Variants in SETD5 observed in about 807,000 individuals in gnomAD.
SETD5 encodes the protein SET domain containing 5.
In SETD5, 44 loss-of-function variants were observed where a neutral mutation model predicts 153.3. The ratio of observed to expected loss-of-function variants is 0.29; its 90% CI spans 0.23 to 0.37. The LOEUF is 0.37. Ranked by LOEUF, SETD5 falls within the 10% of genes least tolerant of loss-of-function variation. The pLI, the probability that SETD5 is intolerant of heterozygous loss-of-function variation, is 1.00. For missense variants in SETD5, 1,544 were observed against 1,768.0 expected (o/e 0.87, Z 2.27); for synonymous variants, 716 against 645.2 (o/e 1.11, Z -1.66).
Position 9,475,772 on chromosome 3 carries a change from G to A in SETD5, c.4010G>A (p.Arg1337Lys). 6.2e-7 allele frequency: 1 copy of A among 1,613,984 alleles called. No individual in the cohort carries two copies. ...SGNSTGSNLP[R>K]RSCPSSAASP... ...AACAGCACTGGCAGCAATCTTCCAA[G>A]GAGGAGCTGCCCTTCTAGTGCTGCT... Residue 1337 changes from arginine (R) to lysine (K), a missense_variant, in exon 23 of 23, where the codon AGG becomes AAG. By Grantham distance (26) the Arg-to-Lys change is conservative. Transcript: ENST00000402198.
At chr3:9,438,603 T>C (rs879885931) in intron 7 of SETD5, among the ~76,000 whole-genome samples, 2 of 152,236 alleles carry the variant, frequency 1.3e-5, no homozygotes, top group Admixed American at 1.3e-4. Flanking sequence ...ATTACTAGTT[T>C]AAAACTCCTC....
chr3:9,453,343 AT>A (rs1559449927), intron 16 of SETD5, among the ~76,000 whole-genome samples: 1 of 152,060 alleles, frequency 6.6e-6, no homozygotes, highest in Admixed American at 6.6e-5. Flanking sequence ...CTTTTAAGAG[AT>A]CTTTATCTTC....
rs1283153458 is a variant in SETD5 at position 9,475,586 on chromosome 3, G to A, written c.3824G>A (p.Arg1275Gln). 23 of 1,613,760 alleles carry A rather than the reference G, an allele frequency of 1.4e-5. No homozygotes were observed. Among genetic ancestry groups the A allele is most frequent in the Non-Finnish European group, 1.9e-5 (23 of 1,179,876 alleles). ...HPTQSPGYSY[R>Q]TTALRPGNPP... ...ACACAGTCTCCAGGATACAGTTATCGAACTACTGCACTGAGACCTGGAAAC... is the reference window on the plus strand; with the variant it reads ...ACACAGTCTCCAGGATACAGTTATCAAACTACTGCACTGAGACCTGGAAAC... Residue 1275 changes from arginine (R) to glutamine (Q), a missense_variant, in exon 23 of 23, where the codon CGA becomes CAA. Physicochemically the swap from Arg to Gln is conservative, Grantham distance 43. Coordinates refer to ENST00000402198, the MANE Select transcript of SETD5 (RefSeq NM_001080517.3).
At chr3:9,436,975 G>A (rs2040643276) in intron 7 of SETD5, 1 of 1,233,804 alleles carries the variant, frequency 8.1e-7, no homozygotes. Flanking sequence ...TGATGGTCTG[G>A]GAATCTTGGA....
chr3:9,475,166 G>C lies in SETD5; in HGVS notation c.3720+10G>C, dbSNP rs761493470. On this transcript the variant is annotated intron_variant, in intron 22 of 22. Coordinates refer to ENST00000402198, the MANE Select transcript of SETD5 (RefSeq NM_001080517.3). ...CAGATACAGCTACCAGGTGAGATGA[G>C]AAATTGCTGGTCTCTAGCCATAGGA... is the stretch of plus-strand genomic sequence containing the variant. 1 of 1,570,894 alleles carries C rather than the reference G, an allele frequency of 6.4e-7. No homozygotes were observed. Among genetic ancestry groups the C allele is most frequent in the Non-Finnish European group, 8.6e-7 (1 of 1,157,746 alleles).
intron 19 of SETD5, 149 bp from the exon 20 acceptor site, chr3:9,473,087 A>G: frequency 2.2e-6 from 2 of 902,618 alleles, no homozygotes; most frequent in Non-Finnish European, 1.6e-6. Flanking sequence ...CCCCAAAAAA[A>G]GTTATCAGGG....
At chr3:9,466,304 A>G (rs958160968) in intron 18 of SETD5, among the ~76,000 whole-genome samples, 19 of 151,660 alleles carry the variant, frequency 1.3e-4, no homozygotes, top group South Asian at 1.0e-3. Flanking sequence ...AAAAAAAAAA[A>G]AAAAAGAAAA....
At chr3:9,423,665 T>A (rs1031894867) in intron 1 of SETD5, among the ~76,000 whole-genome samples, 4 of 152,204 alleles carry the variant, frequency 2.6e-5, no homozygotes, top group Non-Finnish European at 5.9e-5. Context: ...TATTTTCCAG[T>A]TTTTTAAAAT....
intron 16 of SETD5, among the ~76,000 whole-genome samples, chr3:9,452,998 A>G (rs2042808208): frequency 6.6e-6 from 1 of 152,144 alleles, no homozygotes; most frequent in South Asian, 2.1e-4. Context: ...TTATTATCCT[A>G]ATCTTTGCAG....
Position 9,442,196 on chromosome 3 carries a change from T to A in SETD5, c.1028T>A (p.Phe343Tyr), listed in dbSNP as rs371439647. 6.2e-7 allele frequency: 1 copy of A among 1,610,090 alleles called. No individual in the cohort carries two copies. The highest frequency in any genetic ancestry group is 1.4e-5 in the African/African-American group (1 of 73,994). The part of the protein sequence containing the change: ...GVEMCVDART[F>Y]GNDARFIRRS... ...GAGATGTGTGTGGATGCCCGTACTTTCGGTAATGATGCTCGGTTCATCAGA... is the reference window on the plus strand; with the variant it reads ...GAGATGTGTGTGGATGCCCGTACTTACGGTAATGATGCTCGGTTCATCAGA... Residue 343 changes from phenylalanine (F) to tyrosine (Y), a missense_variant, in exon 10 of 23, where the codon TTC (phenylalanine) becomes TAC (tyrosine). This residue lies in a region of SETD5 where 46 missense variants were observed against 111.8 expected (regional missense o/e 0.41). Transcript: ENST00000402198.
intron 1 of SETD5, among the ~76,000 whole-genome samples, chr3:9,417,879 G>A (rs1299597497): frequency 6.7e-6 from 1 of 150,322 alleles, no homozygotes; most frequent in Admixed American, 6.6e-5. Context: ...CTTTCCAAAG[G>A]TGATTAAAAA....
intron 18 of SETD5, chr3:9,468,395 A>G: frequency 1.6e-6 from 1 of 619,120 alleles, no homozygotes; most frequent in Middle Eastern, 3.2e-4. Context: ...ATGCATTCTT[A>G]TTCAACTTCC....
rs1245220806 is a variant in SETD5, at chr3:9,397,991, A to G, written c.-177+14A>G. ...GCCTGGGACAAGGTAAGGGTCCGACAGAAAAGAGACCGAACCTCACGATCG... is the reference window on the plus strand; with the variant it reads ...GCCTGGGACAAGGTAAGGGTCCGACGGAAAAGAGACCGAACCTCACGATCG... On this transcript the variant is annotated intron_variant, in intron 1 of 22. Transcript: ENST00000402198. 2 of 152,208 alleles carry G rather than the reference A, an allele frequency of 1.3e-5. No individual in the cohort carries two copies. Among genetic ancestry groups the G allele is most frequent in the Admixed American group, 1.3e-4 (2 of 15,266 alleles). The allele number at this position is 152,208 out of a possible 1,614,324, so 9.4% of individuals were successfully genotyped here. A position where few individuals can be genotyped will look rare whatever the true frequency, so the allele number is the denominator to read the frequency against.
intron 18 of SETD5, among the ~76,000 whole-genome samples, chr3:9,469,116 AT>A (rs2044996203): frequency 2.0e-5 from 3 of 151,980 alleles, no homozygotes; most frequent in African/African-American, 7.3e-5. Context: ...GCTTTCCTAC[AT>A]TTTCTCTGCA....
intron 3 of SETD5, chr3:9,431,600 T>C (rs1323449197): frequency 1.0e-6 from 1 of 985,620 alleles, no homozygotes; most frequent in African/African-American, 1.7e-5. Context: ...TTAAATTTTA[T>C]ATTTGGCATG....
rs1350368048 is a variant in SETD5 at position 9,397,678 on chromosome 3, C to CGCCGCT, written c.-471_-470insTGCCGC. On this transcript the variant is annotated 5_prime_UTR_variant, in exon 1 of 23. Transcript: ENST00000402198. The stretch of plus-strand genomic sequence containing the variant: ...CCGCCGCCGCCGCCGCCGCCGCCGC[C>CGCCGCT]GCCGCCGCTGCCGGGGGAGGGGCGG... 3.4e-4 allele frequency: 62 copies of CGCCGCT among 180,480 alleles called. No individual in the cohort carries two copies. The highest frequency in any genetic ancestry group is 6.4e-4 in the South Asian group (4 of 6,212). 11.2% of individuals were successfully genotyped at this position (180,480 alleles called of 1,614,324 possible).
At chr3:9,450,990 A>C (rs749647479) in intron 16 of SETD5, among the ~76,000 whole-genome samples, 11 of 152,206 alleles carry the variant, frequency 7.2e-5, no homozygotes, top group Non-Finnish European at 1.6e-4. Flanking sequence ...GTTTTTAAGA[A>C]GCATTTTGCA....
chr3:9,425,051 G>GTTTTTTTTTTTTTTTTTTTTTTTTT (rs1559380190), intron 2 of SETD5, among the ~76,000 whole-genome samples: 1 of 91,454 alleles, frequency 1.1e-5, no homozygotes, highest in African/African-American at 5.0e-5. Flanking sequence ...TACCGACAAT[G>GTTTTTTTTTTTTTTTTTTTTTTTTT]TTTCTTTTTT....
Position 9,453,884 on chromosome 3 carries a change from C to T in SETD5, c.2476+16C>T. On this transcript the variant is annotated intron_variant, in intron 17 of 22. Coordinates refer to ENST00000402198, the MANE Select transcript of SETD5 (RefSeq NM_001080517.3). ...GACAATGCAGGTACGTATCTAAAAC[C>T]TTTCTGATTATATGACCAATGATTG... The T allele has an allele frequency of 6.6e-7, 1 of 1,523,502 alleles. No homozygotes were observed. Among genetic ancestry groups the T allele is most frequent in the Non-Finnish European group, 8.8e-7 (1 of 1,140,032 alleles). The allele number at this position is 1,523,502 out of a possible 1,614,324, so 94.4% of individuals were successfully genotyped here. A position where few individuals can be genotyped will look rare whatever the true frequency, so the allele number is the denominator to read the frequency against.
Sources: gnomAD v4.1 joint callset for allele counts (sites outside exome capture counted in the v4.1 genomes callset) on GRCh38, gnomAD v4.1.1 for gene constraint, gnomAD v4.1.1 regional missense constraint, MANE v1.5 for transcripts, NCBI Gene and HGNC (gene_info 2026-07-23, HGNC 2026-07-21) for gene names.